BNIP1: variants seen among roughly 807,000 people sequenced by gnomAD.
BNIP1 encodes the protein vesicle transport protein SEC20.
In BNIP1, 25 loss-of-function variants were observed where a neutral mutation model predicts 28.5. That is an observed-to-expected ratio of 0.88 (90% CI 0.64 to 1.23). The LOEUF (loss-of-function observed/expected upper bound fraction) is 1.23, where lower values mean the gene tolerates loss of function less well. BNIP1 is among the 50% of genes most tolerant of loss of function. The probability of loss-of-function intolerance (pLI) is 0.00; values close to 1 mark genes in which losing one functional copy is unlikely to be tolerated. For synonymous variants in BNIP1, 118 were observed against 101.7 expected, an observed-to-expected ratio of 1.16 and a Z score of -0.96; for missense variants, 276 against 277.0, an observed-to-expected ratio of 1.00 and a Z score of 0.02.
At chr5:173,152,102 C>A (rs1202224475) in intron 2 of BNIP1, among the ~76,000 whole-genome samples, 1 of 152,202 alleles carries the variant, frequency 6.6e-6, no homozygotes, top group African/African-American at 2.4e-5. Context: ...ATATAGCTCT[C>A]AAACTGGAAT....
intron 5 of BNIP1, among the ~76,000 whole-genome samples, chr5:173,163,417 A>C (rs1359154309): frequency 3.3e-5 from 5 of 152,118 alleles, no homozygotes; most frequent in African/African-American, 1.2e-4. Context: ...GGTTTCCCTG[A>C]GCAGCGTCCA....
chr5:173,163,980 C>T lies in BNIP1; in HGVS notation c.*59C>T, dbSNP rs1014635607. The T allele has an allele frequency of 6.7e-7, 1 of 1,495,268 alleles. No homozygotes were observed. Among genetic ancestry groups the T allele is most frequent in the African/African-American group, 1.4e-5 (1 of 71,130 alleles). The allele number at this position is 1,495,268 out of a possible 1,614,324, so 92.6% of individuals were successfully genotyped here. A position where few individuals can be genotyped will look rare whatever the true frequency, so the allele number is the denominator to read the frequency against. ...TCCTGTTTCAGGATCTGTCCTGGTT[C>T]CTGAGCTCTAGGCTGCTAAGCTGAG... On this transcript the variant is annotated 3_prime_UTR_variant, in exon 6 of 6. Transcript: ENST00000351486.
chr5:173,147,990 G>A (rs1759889173), intron 2 of BNIP1, among the ~76,000 whole-genome samples: 1 of 144,428 alleles, frequency 6.9e-6, no homozygotes, highest in African/African-American at 2.6e-5. Flanking sequence ...TTGAACCCAG[G>A]AGGTGCAGGT....
Position 173,160,026 on chromosome 5 carries a change from G to GGTCC in BNIP1, c.465_466insGTCC (p.Ser156ValfsTer21). ...GGATGATGGCCCAGCAGGTCCAGCA[G>GGTCC]AGCGAGGAGGCCATGCAGTCTCTAG... is the stretch of plus-strand genomic sequence containing the variant. On this transcript the variant is annotated frameshift_variant, in exon 5 of 6. Transcript: ENST00000351486. LOFTEE classifies it high-confidence loss of function. 1 of 1,614,056 alleles carries GGTCC rather than the reference G, an allele frequency of 6.2e-7. No individual in the cohort carries two copies. Among genetic ancestry groups the GGTCC allele is most frequent in the East Asian group, 2.2e-5 (1 of 44,878 alleles).
At chr5:173,162,259 A>G (rs938828934) in intron 5 of BNIP1, among the ~76,000 whole-genome samples, 17 of 152,262 alleles carry the variant, frequency 1.1e-4, no homozygotes, top group African/African-American at 4.1e-4. Flanking sequence ...TATAATTTCA[A>G]TGTAAAACTA....
chr5:173,148,868 T>G (rs1358858593), intron 2 of BNIP1, among the ~76,000 whole-genome samples: 2 of 152,224 alleles, frequency 1.3e-5, no homozygotes, highest in Non-Finnish European at 2.9e-5. Flanking sequence ...TCTGGTTTCT[T>G]GGTTTCTTCT....
chr5:173,145,364 A>G (rs1260327265), intron 1 of BNIP1, among the ~76,000 whole-genome samples: 2 of 152,054 alleles, frequency 1.3e-5, no homozygotes, highest in Non-Finnish European at 2.9e-5. Flanking sequence ...CCATGAGTTC[A>G]GCAAAAAGAA....
intron 1 of BNIP1, among the ~76,000 whole-genome samples, chr5:173,145,792 G>A (rs536953122): frequency 6.6e-6 from 1 of 152,298 alleles, no homozygotes; most frequent in East Asian, 1.9e-4. Context: ...GTGGCAAAAA[G>A]TGCAGGAAAA....
intron 2 of BNIP1, among the ~76,000 whole-genome samples, chr5:173,148,862 G>T (rs958481001): frequency 6.6e-6 from 1 of 152,066 alleles, no homozygotes; most frequent in South Asian, 2.1e-4. Flanking sequence ...GGTTTTTCTG[G>T]TTTCTTGGTT....
rs773152412 is a variant in BNIP1, at chr5:173,160,062, G to C, written c.490+11G>C. ...CCATGCAGTCTCTAGGTAAAGCTGG[G>C]CCTGGAGTAGGAAGCTTCTCCCAGA... is the stretch of plus-strand genomic sequence containing the variant. On this transcript the variant is annotated intron_variant, in intron 5 of 5. Transcript: ENST00000351486. 6.2e-7 allele frequency: 1 copy of C among 1,611,282 alleles called. No homozygotes were observed. The highest frequency in any genetic ancestry group is 1.3e-5 in the African/African-American group (1 of 74,810).
In BNIP1 at chr5:173,159,039, A is replaced by AT. The variant is rs140051067; in HGVS notation, c.371+207dup. On this transcript the variant is annotated intron_variant, in intron 4 of 5. Coordinates refer to ENST00000351486, the MANE Select transcript of BNIP1 (RefSeq NM_001205.3). ...ATGAATTACAAAATTAAAATATTGA[A>AT]TTTTTTTTTTTTTCTGAGATGAAGT... is the stretch of plus-strand genomic sequence containing the variant. Among the ~76,000 whole-genome samples, 212 of 146,860 alleles carry AT rather than the reference A, an allele frequency of 1.4e-3. 1 individual carries two copies. Among genetic ancestry groups the AT allele is most frequent in the Admixed American group, 2.6e-3 (38 of 14,612 alleles).
chr5:173,150,970 G>A (rs1260974817), intron 2 of BNIP1, among the ~76,000 whole-genome samples: 2 of 151,778 alleles, frequency 1.3e-5, no homozygotes, highest in Non-Finnish European at 2.9e-5. Flanking sequence ...CAAGTAGCTG[G>A]GATTACAGGT....
At chr5:173,156,487 A>G (rs909636156) in intron 3 of BNIP1, among the ~76,000 whole-genome samples, 1 of 152,084 alleles carries the variant, frequency 6.6e-6, no homozygotes, top group African/African-American at 2.4e-5. Flanking sequence ...TTAAAAAAAA[A>G]AAAAATTAGC....
At chr5:173,152,246 G>A (rs190241871) in intron 2 of BNIP1, among the ~76,000 whole-genome samples, 12 of 152,160 alleles carry the variant, frequency 7.9e-5, no homozygotes, top group African/African-American at 1.2e-4. Context: ...TTTCCCATGC[G>A]TTCATTCTTC....
rs187031716 is a variant in BNIP1, at chr5:173,147,632, A to G, written c.177+674A>G. On this transcript the variant is annotated intron_variant, in intron 2 of 5. Transcript: ENST00000351486. ...TTTGCTCAGCATCTTCCTTATTTCA[A>G]TAGTCACCAGTCACATCATATACAC... Among the ~76,000 whole-genome samples, 157 of 151,858 alleles carry G rather than the reference A, an allele frequency of 1.0e-3. 2 individuals are homozygous for G. The South Asian group carries it at 0.015, about 14-fold the overall frequency.
chr5:173,164,000 G>A lies in BNIP1; in HGVS notation c.*79G>A. ...TGGTTCCTGAGCTCTAGGCTGCTAA[G>A]CTGAGCCACACACCCCTCCGTTTGC... is the stretch of plus-strand genomic sequence containing the variant. On this transcript the variant is annotated 3_prime_UTR_variant, in exon 6 of 6. Transcript: ENST00000351486. The A allele has an allele frequency of 7.2e-7, 1 of 1,398,138 alleles. No individual in the cohort carries two copies. The highest frequency in any genetic ancestry group is 9.6e-7 in the Non-Finnish European group (1 of 1,043,962). The allele number at this position is 1,398,138 out of a possible 1,614,324, so 86.6% of individuals were successfully genotyped here.
At chr5:173,155,438 C>T (rs923085508) in intron 3 of BNIP1, among the ~76,000 whole-genome samples, 22 of 152,324 alleles carry the variant, frequency 1.4e-4, no homozygotes, top group Non-Finnish European at 2.9e-5. Flanking sequence ...CGGCGGCTCA[C>T]GCCTGGAATC....
At chr5:173,156,920 A>G (rs1319925326) in intron 3 of BNIP1, among the ~76,000 whole-genome samples, 1 of 151,516 alleles carries the variant, frequency 6.6e-6, no homozygotes, top group South Asian at 2.1e-4. Flanking sequence ...AAGTGCTGGG[A>G]TTACAGGCGT....
At chr5:173,160,118 C>T in intron 5 of BNIP1, 67 bp downstream of exon 5, 3 of 1,442,584 alleles carry the variant, frequency 2.1e-6, no homozygotes, top group South Asian at 2.4e-5. Flanking sequence ...GCCCTGGCAC[C>T]TCCACTCTGG....
Sources: gnomAD v4.1 joint callset for allele counts (sites outside exome capture counted in the v4.1 genomes callset) on GRCh38, gnomAD v4.1.1 for gene constraint, MANE v1.5 for transcripts, NCBI Gene and HGNC (gene_info 2026-07-23, HGNC 2026-07-21) for gene names.